Variants in IPO7 observed in about 807,000 individuals in gnomAD.
IPO7 encodes importin-7.
Under a neutral mutation model 136.4 loss-of-function variants are expected in IPO7, and 13 were observed. The ratio of observed to expected loss-of-function variants is 0.10; its 90% CI spans 0.06 to 0.15. The LOEUF (loss-of-function observed/expected upper bound fraction) is 0.15. IPO7 is among the 10% of genes least tolerant of loss of function. The pLI, the probability that IPO7 is intolerant of heterozygous loss-of-function variation, is 1.00. For missense variants in IPO7, 857 were observed against 1,240.6 expected (o/e 0.69, Z 4.65); for synonymous variants, 403 against 404.4 (o/e 1.00, Z 0.04).
chr11:9,402,931 G>A (rs970270926), intron 1 of IPO7: 4 of 236,348 alleles, frequency 1.7e-5, no homozygotes, highest in Non-Finnish European at 3.3e-5. Context: ...TGAGGCAGGA[G>A]AATCGCTTGA....
chr11:9,401,193 AAG>A (rs1462370408), intron 1 of IPO7, among the ~76,000 whole-genome samples: 1 of 152,132 alleles, frequency 6.6e-6, no homozygotes, highest in Non-Finnish European at 1.5e-5. Flanking sequence ...AAAAAAAAAA[AAG>A]AAGATACTAA....
intron 1 of IPO7, among the ~76,000 whole-genome samples, chr11:9,396,339 T>G (rs1422487743): frequency 6.6e-6 from 1 of 152,110 alleles, no homozygotes; most frequent in Non-Finnish European, 1.5e-5. Context: ...GAGGTTGCAG[T>G]GAGCCGAGAT....
intron 23 of IPO7, 67 bp downstream of exon 23, chr11:9,440,728 T>A: frequency 7.9e-7 from 1 of 1,262,854 alleles, no homozygotes; most frequent in East Asian, 2.3e-5. Flanking sequence ...TGCCTGCCCT[T>A]TAAAGGAAGA....
intron 8 of IPO7, among the ~76,000 whole-genome samples, chr11:9,422,173 G>C (rs1855142519): frequency 1.3e-5 from 2 of 152,122 alleles, no homozygotes; most frequent in Admixed American, 6.5e-5. Flanking sequence ...CAGCTACTCG[G>C]GAGGCTGAGG....
chr11:9,409,573 T>C (rs988480916), intron 3 of IPO7, among the ~76,000 whole-genome samples: 1 of 152,076 alleles, frequency 6.6e-6, no homozygotes, highest in South Asian at 2.1e-4. Context: ...AGAGATGGGG[T>C]TTCACCATGT....
chr11:9,419,562 ATATAT>A (rs1855097559), intron 6 of IPO7, among the ~76,000 whole-genome samples: 9 of 74,654 alleles, frequency 1.2e-4, no homozygotes, highest in East Asian at 1.1e-3. Flanking sequence ...AAAAAAAAAT[ATATAT>A]ATATATATAT....
Position 9,424,574 on chromosome 11 carries a change from TCTCTA to T in IPO7, c.1142-337_1142-333del, listed in dbSNP as rs1249300966. On this transcript the variant is annotated intron_variant, in intron 10 of 24. Transcript: ENST00000379719. The stretch of plus-strand genomic sequence containing the variant: ...GCCTGACCAATATAGTGAAACCCCA[TCTCTA>T]CTAAAAATACAAAAATTAGCCGGGC... Among the ~76,000 whole-genome samples, 20 of 152,178 alleles carry T rather than the reference TCTCTA, an allele frequency of 1.3e-4. No homozygotes were observed. In the East Asian group the frequency reaches 3.9e-3, roughly 29 times the overall value.
intron 16 of IPO7, among the ~76,000 whole-genome samples, chr11:9,431,482 A>G (rs1193324012): frequency 6.9e-6 from 1 of 145,832 alleles, no homozygotes; most frequent in Admixed American, 6.9e-5. Flanking sequence ...TTTTTTTGAG[A>G]TGGAGTCTCA....
chr11:9,424,651 G>C (rs1307884200), intron 10 of IPO7, among the ~76,000 whole-genome samples: 1 of 152,168 alleles, frequency 6.6e-6, no homozygotes, highest in Non-Finnish European at 1.5e-5. Flanking sequence ...GCTGAGGCAG[G>C]AGAATTGCTT....
At chr11:9,424,475 G>A (rs1471742444) in intron 10 of IPO7, among the ~76,000 whole-genome samples, 2 of 149,360 alleles carry the variant, frequency 1.3e-5, no homozygotes, top group Non-Finnish European at 2.9e-5. Context: ...AGGTGCGGTG[G>A]CTAAGGCCTG....
At chr11:9,417,209 C>G in intron 6 of IPO7, 61 bp downstream of exon 6, 1 of 723,944 alleles carries the variant, frequency 1.4e-6, no homozygotes, top group Non-Finnish European at 2.4e-6. Flanking sequence ...CTTTTGAAGA[C>G]TTTAACTGGT....
intron 1 of IPO7, among the ~76,000 whole-genome samples, chr11:9,394,494 A>G (rs561014716): frequency 1.1e-4 from 16 of 152,292 alleles, no homozygotes; most frequent in African/African-American, 2.9e-4. Context: ...TATAGTCATC[A>G]TTCCTTGAAT....
intron 1 of IPO7, among the ~76,000 whole-genome samples, chr11:9,387,165 GTC>G (rs1405371333): frequency 6.6e-6 from 1 of 152,198 alleles, no homozygotes; most frequent in East Asian, 1.9e-4. Context: ...ATTCTATGAT[GTC>G]TCTCATTCCA....
At chr11:9,394,876 CAG>C (rs1854687200) in intron 1 of IPO7, among the ~76,000 whole-genome samples, 1 of 152,104 alleles carries the variant, frequency 6.6e-6, no homozygotes, top group South Asian at 2.1e-4. Context: ...GGGTTGATGA[CAG>C]ATAATGAGAA....
chr11:9,438,617 T>TC (rs930423030), intron 22 of IPO7, among the ~76,000 whole-genome samples: 2 of 151,666 alleles, frequency 1.3e-5, no homozygotes, highest in African/African-American at 4.9e-5. Context: ...AGAACGAGAC[T>TC]CCATCTCAGA....
At chr11:9,415,253 C>T (rs1195346898) in intron 5 of IPO7, among the ~76,000 whole-genome samples, 4 of 151,138 alleles carry the variant, frequency 2.6e-5, no homozygotes, top group African/African-American at 7.3e-5. Flanking sequence ...ACCTGCGAGG[C>T]GGAGGTTGTG....
intron 6 of IPO7, among the ~76,000 whole-genome samples, chr11:9,419,859 A>T (rs115720337): frequency 6.6e-6 from 1 of 152,108 alleles, no homozygotes; most frequent in Non-Finnish European, 1.5e-5. Flanking sequence ...TTAAGCTACA[A>T]TTGTCGTGGC....
intron 1 of IPO7, among the ~76,000 whole-genome samples, chr11:9,402,489 C>G (rs887059567): frequency 6.7e-6 from 1 of 148,364 alleles, no homozygotes; most frequent in Non-Finnish European, 1.5e-5. Flanking sequence ...TTTCAGAGGT[C>G]GAGGCGGGTG....
intron 5 of IPO7, among the ~76,000 whole-genome samples, chr11:9,414,856 C>G (rs1228966388): frequency 6.6e-6 from 1 of 151,818 alleles, no homozygotes; most frequent in East Asian, 1.9e-4. Context: ...GAACTCCTGA[C>G]CTCGTGATCC....
Sources: gnomAD v4.1 joint callset for allele counts (sites outside exome capture counted in the v4.1 genomes callset) on GRCh38, gnomAD v4.1.1 for gene constraint, MANE v1.5 for transcripts, NCBI Gene and HGNC (gene_info 2026-07-23, HGNC 2026-07-21) for gene names.